XRCC5: variants seen among roughly 807,000 people sequenced by gnomAD.
The protein encoded by XRCC5 is X-ray repair cross complementing 5.
A neutral mutation model predicts 95.7 loss-of-function variants in XRCC5; 12 were observed. The ratio of observed to expected loss-of-function variants is 0.13; its 90% CI spans 0.08 to 0.20. The LOEUF is 0.20. XRCC5 is among the 10% of genes least tolerant of loss of function. The pLI is 1.00. For missense variants in XRCC5, 595 were observed against 873.9 expected, an observed-to-expected ratio of 0.68 and a Z score of 4.02; for synonymous variants, 281 against 290.3, an observed-to-expected ratio of 0.97 and a Z score of 0.33.
rs3770510 is a variant in XRCC5 at position 216,166,318 on chromosome 2, C to T, written c.1834+4270C>T. ...TGTAGTTTTTGTAGAGATGAGGTTT[C>T]GCCATGTTATCCAGGCTGGTCCTGA... On this transcript the variant is annotated intron_variant, in intron 16 of 20. Coordinates refer to ENST00000392132, the MANE Select transcript of XRCC5 (RefSeq NM_021141.4). 8.7e-4 allele frequency among the ~76,000 whole-genome samples: 132 copies of T among 152,166 alleles called. 1 individual carries two copies. In the East Asian group the frequency reaches 0.012, roughly 14 times the overall value.
intron 13 of XRCC5, among the ~76,000 whole-genome samples, chr2:216,143,721 A>G (rs922737055): frequency 6.9e-5 from 10 of 145,088 alleles, no homozygotes; most frequent in African/African-American, 2.3e-4. Flanking sequence ...TTTTATTTTT[A>G]TTTTGAGACG....
chr2:216,119,185 G>A lies in XRCC5; in HGVS notation c.491+20G>A, dbSNP rs201977059. 6.2e-7 allele frequency: 1 copy of A among 1,613,042 alleles called. No homozygotes were observed. The highest frequency in any genetic ancestry group is 1.1e-5 in the South Asian group (1 of 91,046). On this transcript the variant is annotated intron_variant, in intron 5 of 20. Coordinates refer to ENST00000392132, the MANE Select transcript of XRCC5 (RefSeq NM_021141.4). ...ATTCTTGTAAGATCCTAAGAATAATGCATGTAGACAAATCCTATGATTTCC... is the reference window on the plus strand; with the variant it reads ...ATTCTTGTAAGATCCTAAGAATAATACATGTAGACAAATCCTATGATTTCC...
intron 16 of XRCC5, among the ~76,000 whole-genome samples, chr2:216,188,522 T>G (rs1284760660): frequency 6.6e-6 from 1 of 152,206 alleles, no homozygotes; most frequent in Non-Finnish European, 1.5e-5. Flanking sequence ...CTATTCTCAT[T>G]TCAAAAGAAA....
chr2:216,168,776 A>C (rs924928650), intron 16 of XRCC5, among the ~76,000 whole-genome samples: 3 of 152,264 alleles, frequency 2.0e-5, no homozygotes, highest in Admixed American at 2.0e-4. Flanking sequence ...CAAGGTGGAA[A>C]TAGCAAGGCC....
chr2:216,200,755 C>T (rs1409331854), intron 19 of XRCC5, among the ~76,000 whole-genome samples: 1 of 152,180 alleles, frequency 6.6e-6, no homozygotes, highest in Non-Finnish European at 1.5e-5. Flanking sequence ...TGTTTTTGAC[C>T]TTCATATAAT....
intron 17 of XRCC5, among the ~76,000 whole-genome samples, 173 bp downstream of exon 17, chr2:216,190,507 G>A (rs551973112): frequency 3.3e-5 from 5 of 152,298 alleles, no homozygotes; most frequent in Admixed American, 1.3e-4. Flanking sequence ...TACTATCACT[G>A]TCATTTCTGA....
chr2:216,179,430 C>CGGGGTGGGGATACTATTCG (rs1689340749), intron 16 of XRCC5, among the ~76,000 whole-genome samples: 1 of 151,666 alleles, frequency 6.6e-6, no homozygotes, highest in East Asian at 1.9e-4. Context: ...AATGTGGGGG[C>CGGGGTGGGGATACTATTCG]GGGGTGGGGA....
chr2:216,150,197 G>C (rs766147793), intron 14 of XRCC5, among the ~76,000 whole-genome samples: 2 of 152,294 alleles, frequency 1.3e-5, no homozygotes, highest in South Asian at 4.2e-4. Flanking sequence ...GTGGAGGGGA[G>C]AGGGGCTAAG....
At chr2:216,132,821 G>C (rs1031946012) in intron 10 of XRCC5, among the ~76,000 whole-genome samples, 3 of 152,098 alleles carry the variant, frequency 2.0e-5, no homozygotes, top group Admixed American at 2.0e-4. Context: ...TTTCAGGCTG[G>C]TTTTTCTCTA....
chr2:216,197,825 T>C (rs959940110), intron 19 of XRCC5, among the ~76,000 whole-genome samples: 1 of 152,122 alleles, frequency 6.6e-6, no homozygotes, highest in Non-Finnish European at 1.5e-5. Flanking sequence ...TTCCTTTTTT[T>C]CCCCACATTT....
At chr2:216,109,996 G>A (rs1453350779) in intron 1 of XRCC5, among the ~76,000 whole-genome samples, 1 of 152,198 alleles carries the variant, frequency 6.6e-6, no homozygotes, top group Admixed American at 6.5e-5. Flanking sequence ...AGCCCACTCT[G>A]TGAGGGACGG....
intron 16 of XRCC5, among the ~76,000 whole-genome samples, chr2:216,184,032 CTGTGTGTGTGTGTGTGTGTG>C (rs3221952): frequency 3.4e-5 from 5 of 145,630 alleles, no homozygotes; most frequent in Admixed American, 2.7e-4. Flanking sequence ...TAAGTCAGCA[CTGTGTGTGTGTGTGTGTGTG>C]TGTGTGTGTG....
chr2:216,156,698 T>G, intron 14 of XRCC5: 1 of 541,088 alleles, frequency 1.8e-6, no homozygotes, highest in Non-Finnish European at 3.7e-6. Context: ...CCTTCCATGA[T>G]TTGTACTACA....
chr2:216,167,679 G>A lies in XRCC5; in HGVS notation c.1834+5631G>A, dbSNP rs1180797574. ...TGAATTATATAATGAATTATACTCT[G>A]CCCAGATAGATAAGAAGATAAAAAT... is the stretch of plus-strand genomic sequence containing the variant. On this transcript the variant is annotated intron_variant, in intron 16 of 20. Coordinates refer to ENST00000392132, the MANE Select transcript of XRCC5 (RefSeq NM_021141.4). Among the ~76,000 whole-genome samples, 7 of 151,024 alleles carry A rather than the reference G, an allele frequency of 4.6e-5. No individual in the cohort carries two copies. In the East Asian group the frequency reaches 1.2e-3, roughly 25 times the overall value.
chr2:216,174,988 C>T (rs1357696690), intron 16 of XRCC5: 2 of 327,052 alleles, frequency 6.1e-6, no homozygotes, highest in Admixed American at 7.1e-5. Flanking sequence ...ACCAAAACTG[C>T]ACCCTTTAAT....
intron 13 of XRCC5, among the ~76,000 whole-genome samples, chr2:216,142,272 C>A (rs923088451): frequency 6.6e-6 from 1 of 152,030 alleles, no homozygotes; most frequent in African/African-American, 2.4e-5. Flanking sequence ...AATAATATAA[C>A]ATTGTTAGAG....
chr2:216,112,940 C>A, intron 1 of XRCC5, 76 bp from the exon 2 acceptor site: 1 of 1,135,746 alleles, frequency 8.8e-7, no homozygotes, highest in Non-Finnish European at 1.3e-6. Flanking sequence ...TTCATGAATA[C>A]AATAAGCAAG....
chr2:216,118,277 A>T (rs705652), intron 4 of XRCC5, among the ~76,000 whole-genome samples: 3 of 151,538 alleles, frequency 2.0e-5, no homozygotes, highest in African/African-American at 4.8e-5. Context: ...CCTGGGCTCA[A>T]GAGATCCTTG....
At chr2:216,112,516 T>G (rs1055478250) in intron 1 of XRCC5, among the ~76,000 whole-genome samples, 3 of 152,242 alleles carry the variant, frequency 2.0e-5, no homozygotes, top group Non-Finnish European at 4.4e-5. Flanking sequence ...CTGACTCAAA[T>G]TGTCAGGGTA....
Sources: allele counts gnomAD v4.1 joint callset (sites outside exome capture counted in the v4.1 genomes callset), GRCh38; gene constraint gnomAD v4.1.1; transcripts MANE v1.5; gene names NCBI Gene and HGNC (gene_info 2026-07-23, HGNC 2026-07-21).